ZC3H12C: variants seen among roughly 807,000 people sequenced by gnomAD.
ZC3H12C encodes the protein probable ribonuclease ZC3H12C.
In ZC3H12C, 20 loss-of-function variants were observed where a neutral mutation model predicts 76.3. That is an observed-to-expected ratio of 0.26 (90% CI 0.18 to 0.38). ZC3H12C has a LOEUF of 0.38. Ranked by LOEUF, ZC3H12C falls within the 10% of genes least tolerant of loss-of-function variation. The probability of loss-of-function intolerance (pLI) is 1.00; values close to 1 mark genes in which losing one functional copy is unlikely to be tolerated. For synonymous variants in ZC3H12C, 352 were observed against 399.6 expected, an observed-to-expected ratio of 0.88 and a Z score of 1.42; for missense variants, 874 against 1,086.5, an observed-to-expected ratio of 0.80 and a Z score of 2.75.
intron 1 of ZC3H12C, among the ~76,000 whole-genome samples, chr11:110,100,527 A>AT (rs1471305321): frequency 2.0e-5 from 3 of 151,850 alleles, no homozygotes; most frequent in African/African-American, 7.3e-5. Flanking sequence ...TGTCTGCGCC[A>AT]TTTTTCCAAT....
intron 1 of ZC3H12C, among the ~76,000 whole-genome samples, chr11:110,104,243 G>A (rs1478267497): frequency 6.6e-6 from 1 of 151,970 alleles, no homozygotes; most frequent in African/African-American, 2.4e-5. Flanking sequence ...ATTTTTAGTA[G>A]AGACGAGGTT....
intron 1 of ZC3H12C, chr11:110,136,351 G>A (rs1231185735): frequency 4.2e-6 from 1 of 237,788 alleles, no homozygotes; most frequent in East Asian, 9.4e-5. Context: ...GATCCATCGA[G>A]ATTGAGAAGG....
chr11:110,096,428 AACATGCTAAGTCT>A (rs561642540), intron 1 of ZC3H12C, among the ~76,000 whole-genome samples: 105 of 152,366 alleles, frequency 6.9e-4, no homozygotes, highest in African/African-American at 2.4e-3. Context: ...TGTGCCAGAC[AACATGCTAAGTCT>A]ACATGCATTA....
intron 1 of ZC3H12C, among the ~76,000 whole-genome samples, chr11:110,111,970 T>C (rs1016458710): frequency 2.7e-5 from 2 of 74,936 alleles, no homozygotes; most frequent in African/African-American, 1.1e-4. Flanking sequence ...CATGCACACG[T>C]GCACACATGT....
intron 1 of ZC3H12C, among the ~76,000 whole-genome samples, chr11:110,123,867 C>T (rs2134164880): frequency 6.6e-6 from 1 of 152,274 alleles, no homozygotes. Flanking sequence ...CCCTTTCCAT[C>T]CATAGAACTA....
Position 110,117,976 on chromosome 11 carries a change from TA to T in ZC3H12C, c.22-18686del, listed in dbSNP as rs1381364154. 8.3e-5 allele frequency among the ~76,000 whole-genome samples: 9 copies of T among 108,286 alleles called. 1 individual carries two copies. The highest frequency in any genetic ancestry group is 3.4e-4 in the Admixed American group (3 of 8,860). 71.0% of individuals were successfully genotyped at this position (108,286 alleles called of 152,430 possible). A position where few individuals can be genotyped will look rare whatever the true frequency, so the allele number is the denominator to read the frequency against. On this transcript the variant is annotated intron_variant, in intron 1 of 5. Transcript: ENST00000278590. ...ACACACACATATATACACACACATA[TA>T]TATTATATATATACACACATATATA...
In ZC3H12C at chr11:110,169,601, G is replaced by A. The variant is rs1373680942; in HGVS notation, c.*3864G>A. On this transcript the variant is annotated 3_prime_UTR_variant, in exon 6 of 6. Transcript: ENST00000278590. ...ACCTGAAATCAAACAGATTCTGGCTGGACATATGCTTATGTTCCAAATATA... is the reference window on the plus strand; with the variant it reads ...ACCTGAAATCAAACAGATTCTGGCTAGACATATGCTTATGTTCCAAATATA... 4 of 152,080 alleles carry A rather than the reference G, an allele frequency of 2.6e-5. No homozygotes were observed. Among genetic ancestry groups the A allele is most frequent in the African/African-American group, 9.7e-5 (4 of 41,428 alleles). 9.4% of individuals were successfully genotyped at this position (152,080 alleles called of 1,614,324 possible).
intron 1 of ZC3H12C, among the ~76,000 whole-genome samples, chr11:110,095,184 ACCC>A (rs2134138089): frequency 6.6e-6 from 1 of 152,302 alleles, no homozygotes; most frequent in South Asian, 2.1e-4. Context: ...ATATAAAAAT[ACCC>A]TATTTTATAT....
In ZC3H12C at chr11:110,165,553, C is replaced by T; in HGVS notation, c.2468C>T (p.Pro823Leu). The T allele has an allele frequency of 6.2e-7, 1 of 1,613,468 alleles. No individual in the cohort carries two copies. Among genetic ancestry groups the T allele is most frequent in the South Asian group, 1.1e-5 (1 of 90,986 alleles). Residue 823 changes from proline to leucine, a missense_variant, in exon 6 of 6, where the codon CCA (proline) becomes CTA (leucine). By Grantham distance (98) the Pro-to-Leu change is moderately conservative (BLOSUM62 -3). Around this residue, in one of 3 missense-constraint regions of ZC3H12C, gnomAD observed 395 missense variants for 434.4 expected, o/e 0.91. Coordinates refer to ENST00000278590, the MANE Select transcript of ZC3H12C (RefSeq NM_033390.2). ...CAACAGGAGCCAGCCTGGCGGATCC[C>T]ATACTGTGGAATGCCGCAAGATCCC... ...PEQQEPAWRI[P>L]YCGMPQDPPR... is the part of the protein sequence containing the mutation.
intron 1 of ZC3H12C, among the ~76,000 whole-genome samples, chr11:110,130,183 A>G (rs1861834999): frequency 6.6e-6 from 1 of 152,208 alleles, no homozygotes; most frequent in African/African-American, 2.4e-5. Flanking sequence ...TGCTATTGGC[A>G]TACATAGGAT....
At position 110,094,036 on chromosome 11, in the gene ZC3H12C, G is replaced by A. The variant is rs546478322; in HGVS notation, c.21+604G>A. Among the ~76,000 whole-genome samples the A allele has an allele frequency of 1.8e-4, 28 of 152,054 alleles. 1 individual carries two copies. Among genetic ancestry groups the A allele is most frequent in the African/African-American group, 6.3e-4 (26 of 41,456 alleles). ...TTACACGCTGCGTTCATTTTAGCTC[G>A]GCTGTTCACATTTTTAACTCCGTAT... On this transcript the variant is annotated intron_variant, in intron 1 of 5. Transcript: ENST00000278590.
intron 3 of ZC3H12C, among the ~76,000 whole-genome samples, chr11:110,154,834 T>TAAA (rs5794671): frequency 2.9e-5 from 2 of 69,846 alleles, no homozygotes; most frequent in Non-Finnish European, 5.3e-5. Context: ...ACAGCTTGAT[T>TAAA]AAAAAAAAAA....
In ZC3H12C at chr11:110,169,339, GGTGTGTGTGT is replaced by G. The variant is rs143466304; in HGVS notation, c.*3635_*3644del. On this transcript the variant is annotated 3_prime_UTR_variant, in exon 6 of 6. Coordinates refer to ENST00000278590, the MANE Select transcript of ZC3H12C (RefSeq NM_033390.2). Reference sequence around the variant, plus strand: ...TGTGACAGGTGGGAGGATGGCTCTGGGTGTGTGTGTGTGTGTGTGTGTGTGTGTGTGTGTG... The same window carrying G: ...TGTGACAGGTGGGAGGATGGCTCTGGGTGTGTGTGTGTGTGTGTGTGTGTG... The G allele has an allele frequency of 0.24, 35,492 of 146,278 alleles. 4,222 individuals are homozygous for G. Among genetic ancestry groups the G allele is most frequent in the Middle Eastern group, 0.28 (82 of 288 alleles). 9.1% of individuals were successfully genotyped at this position (146,278 alleles called of 1,614,324 possible).
chr11:110,153,168 T>C, intron 3 of ZC3H12C, 110 bp downstream of exon 3: 1 of 1,333,168 alleles, frequency 7.5e-7, no homozygotes, highest in Non-Finnish European at 1.0e-6. Context: ...GCGCAGGCAG[T>C]GGGACACAAA....
chr11:110,094,276 C>T (rs538077675), intron 1 of ZC3H12C, among the ~76,000 whole-genome samples: 35 of 152,214 alleles, frequency 2.3e-4, no homozygotes, highest in African/African-American at 7.9e-4. Flanking sequence ...AAAAGTTTTC[C>T]TATTGGTTGA....
At chr11:110,112,828 T>C (rs1861457784) in intron 1 of ZC3H12C, among the ~76,000 whole-genome samples, 1 of 152,142 alleles carries the variant, frequency 6.6e-6, no homozygotes, top group African/African-American at 2.4e-5. Context: ...GAACCAAGTC[T>C]GTTGTTTTTC....
Position 110,165,660 on chromosome 11 carries a change from A to C in ZC3H12C, c.2575A>C (p.Lys859Gln), listed in dbSNP as rs749044218. ...FPPDLVRIVM[K>Q]RNPHMTDAQQ... ...CCCTGACCTTGTGAGAATTGTCATG[A>C]AAAGGAATCCTCACATGACAGACGC... The change falls in exon 6 of 6, where the codon AAA (lysine) becomes CAA (glutamine). Residue 859 changes from lysine to glutamine, a missense_variant. Physicochemically the swap from Lys to Gln is moderately conservative, Grantham distance 53 (BLOSUM62 1). Transcript: ENST00000278590. The C allele has an allele frequency of 3.1e-5, 50 of 1,598,790 alleles. No individual in the cohort carries two copies. Among genetic ancestry groups the C allele is most frequent in the Non-Finnish European group, 4.1e-5 (48 of 1,172,248 alleles).
intron 1 of ZC3H12C, 86 bp downstream of exon 1, chr11:110,093,518 G>A (rs1174121150): frequency 1.3e-5 from 13 of 1,008,534 alleles, no homozygotes; most frequent in Non-Finnish European, 8.7e-6. Context: ...CCGCGGGGCC[G>A]CGCCCGGGCG....
At chr11:110,126,751 A>G (rs1861755789) in intron 1 of ZC3H12C, among the ~76,000 whole-genome samples, 1 of 152,114 alleles carries the variant, frequency 6.6e-6, no homozygotes, top group Non-Finnish European at 1.5e-5. Flanking sequence ...TGCTACTTTC[A>G]TTGATTTTTG....
Sources: gnomAD v4.1 joint callset for allele counts (sites outside exome capture counted in the v4.1 genomes callset) on GRCh38, gnomAD v4.1.1 for gene constraint, gnomAD v4.1.1 regional missense constraint, MANE v1.5 for transcripts, NCBI Gene and HGNC (gene_info 2026-07-23, HGNC 2026-07-21) for gene names.